TSGA10: variants seen among roughly 807,000 people sequenced by gnomAD.
TSGA10 encodes the protein testis-specific gene 10 protein.
In TSGA10, 43 loss-of-function variants were observed where a neutral mutation model predicts 96.6. The observed-to-expected ratio is 0.44, with a 90% CI of 0.35 to 0.57. The LOEUF is 0.57. Ranked by LOEUF, TSGA10 falls within the 20% of genes least tolerant of loss-of-function variation. The pLI is 0.01. For missense variants in TSGA10, 703 were observed against 834.4 expected (o/e 0.84, Z 1.94); for synonymous variants, 229 against 269.9 (o/e 0.85, Z 1.48).
At chr2:99,072,056 A>C (rs954629256) in intron 13 of TSGA10, among the ~76,000 whole-genome samples, 182 bp from the exon 14 acceptor site, 1 of 152,232 alleles carries the variant, frequency 6.6e-6, no homozygotes, top group Non-Finnish European at 1.5e-5. Context: ...TGTTGCCATC[A>C]TTTCGCTATG....
At position 99,118,672 on chromosome 2, in the gene TSGA10, A is replaced by T. The variant is rs751913879; in HGVS notation, c.-477T>A. 2.7e-4 allele frequency: 266 copies of T among 984,882 alleles called. No individual in the cohort carries two copies. Among genetic ancestry groups the T allele is most frequent in the Non-Finnish European group, 3.2e-4 (263 of 829,772 alleles). 61.0% of individuals were successfully genotyped at this position (984,882 alleles called of 1,614,324 possible). ...GAAGAAAAGGGCCTTTTCTATCACA[A>T]AGGTATCCAAATGCCTTTAAAGGAA... On this transcript the variant is annotated 5_prime_UTR_variant, in exon 3 of 21. It adds an upstream start codon to the 5' untranslated region. Coordinates refer to ENST00000393483, the MANE Select transcript of TSGA10 (RefSeq NM_025244.4).
intron 1 of TSGA10, chr2:99,141,068 C>G (rs1427805921): frequency 1.6e-6 from 2 of 1,280,924 alleles, no homozygotes; most frequent in Non-Finnish European, 2.0e-6. Flanking sequence ...CCCCGCGCAC[C>G]TCCGCAGCTT....
At chr2:99,072,060 C>T (rs1008804948) in intron 13 of TSGA10, among the ~76,000 whole-genome samples, 186 bp from the exon 14 acceptor site, 1 of 152,188 alleles carries the variant, frequency 6.6e-6, no homozygotes, top group Non-Finnish European at 1.5e-5. Context: ...GCCATCATTT[C>T]GCTATGAAAA....
At chr2:99,104,805 A>T (rs1261174958) in intron 9 of TSGA10, among the ~76,000 whole-genome samples, 1 of 152,210 alleles carries the variant, frequency 6.6e-6, no homozygotes, top group Non-Finnish European at 1.5e-5. Context: ...CATTACAATA[A>T]AACAGTACAG....
intron 1 of TSGA10, chr2:99,147,562 G>A: frequency 7.6e-7 from 1 of 1,308,132 alleles, no homozygotes; most frequent in Non-Finnish European, 1.1e-6. Context: ...TTAGATTGAA[G>A]TTTAATGTGC....
chr2:98,998,561 A>G (rs1442801028), intron 20 of TSGA10, among the ~76,000 whole-genome samples: 2 of 152,236 alleles, frequency 1.3e-5, no homozygotes, highest in African/African-American at 4.8e-5. Context: ...AGTGTTTCCC[A>G]GGAGACAGGG....
In TSGA10 at chr2:99,154,929, G is replaced by C. The variant is rs984316999; in HGVS notation, c.-857C>G. On this transcript the variant is annotated 5_prime_UTR_variant, in exon 1 of 21. Coordinates refer to ENST00000393483, the MANE Select transcript of TSGA10 (RefSeq NM_025244.4). ...GCGCCCCTCCTTCTCTTGCGCTTCA[G>C]GGGGCCGGCCCTCAGGGGGCGGGGC... 32 of 446,888 alleles carry C rather than the reference G, an allele frequency of 7.2e-5. No individual in the cohort carries two copies. Among genetic ancestry groups the C allele is most frequent in the Non-Finnish European group, 1.4e-4 (30 of 221,652 alleles). 27.7% of individuals were successfully genotyped at this position (446,888 alleles called of 1,614,324 possible).
In TSGA10 at chr2:99,020,843, A is replaced by T. The variant is rs1319912937; in HGVS notation, c.1615-361T>A. On this transcript the variant is annotated intron_variant, in intron 17 of 20. Coordinates refer to ENST00000393483, the MANE Select transcript of TSGA10 (RefSeq NM_025244.4). Reference sequence around the variant, plus strand: ...TGAGTTAGGTGAGCTACATGCTTATAGAATGTCATTGGACTCCATAATTAA... The same window carrying T: ...TGAGTTAGGTGAGCTACATGCTTATTGAATGTCATTGGACTCCATAATTAA... Among the ~76,000 whole-genome samples, 43 of 151,904 alleles carry T rather than the reference A, an allele frequency of 2.8e-4. 1 individual carries two copies. The highest frequency in any genetic ancestry group is 2.8e-3 in the Admixed American group (43 of 15,244).
chr2:99,140,546 T>C (rs1050249036), intron 1 of TSGA10, among the ~76,000 whole-genome samples: 2 of 152,016 alleles, frequency 1.3e-5, no homozygotes, highest in Non-Finnish European at 2.9e-5. Context: ...CATGATCACC[T>C]AGTTATCCAA....
chr2:99,010,000 A>T (rs2078874154), intron 20 of TSGA10, among the ~76,000 whole-genome samples: 1 of 152,184 alleles, frequency 6.6e-6, no homozygotes, highest in Non-Finnish European at 1.5e-5. Context: ...AACTTTTTGA[A>T]AGGTTGAAAT....
At chr2:98,998,288 T>C in intron 20 of TSGA10, 67 bp from the exon 21 acceptor site, 2 of 1,345,430 alleles carry the variant, frequency 1.5e-6, no homozygotes, top group Admixed American at 2.0e-5. Flanking sequence ...GTAACAAATT[T>C]ATTCTAGTAA....
At chr2:99,122,990 A>C (rs1309888054) in intron 2 of TSGA10, among the ~76,000 whole-genome samples, 1 of 152,078 alleles carries the variant, frequency 6.6e-6, no homozygotes, top group Non-Finnish European at 1.5e-5. Flanking sequence ...GAATGTCTTT[A>C]CTTTCCCTCA....
chr2:99,068,965 C>G lies in TSGA10; in HGVS notation c.1141G>C (p.Glu381Gln), dbSNP rs1415840216. 6.8e-7 allele frequency: 1 copy of G among 1,468,184 alleles called. No homozygotes were observed. The highest frequency in any genetic ancestry group is 1.6e-5 in the South Asian group (1 of 61,562). 90.9% of individuals were successfully genotyped at this position (1,468,184 alleles called of 1,614,324 possible). Residue 381 changes from glutamate (E) to glutamine (Q), a missense_variant, in exon 15 of 21, where the codon GAA (glutamate) becomes CAA (glutamine). By Grantham distance (29) the Glu-to-Gln change is conservative (BLOSUM62 2). This residue lies in a region of TSGA10 where 585 missense variants were observed against 656.8 expected (regional missense o/e 0.89). Transcript: ENST00000393483. ...LSKKLNDTHN[E>Q]LNDIKQKVQD... Reference sequence around the variant, plus strand: ...ACCTTCTGTTTTATGTCATTAAGTTCATTATGAGTGTCATTCAATTTTTTG... The same window carrying G: ...ACCTTCTGTTTTATGTCATTAAGTTGATTATGAGTGTCATTCAATTTTTTG...
chr2:99,131,046 T>C (rs2105025609), intron 1 of TSGA10, among the ~76,000 whole-genome samples: 1 of 152,300 alleles, frequency 6.6e-6, no homozygotes, highest in South Asian at 2.1e-4. Context: ...AGCCTTGTAG[T>C]ATAGTTTGAA....
chr2:99,120,116 A>G (rs1335593310), intron 2 of TSGA10, among the ~76,000 whole-genome samples: 1 of 152,176 alleles, frequency 6.6e-6, no homozygotes, highest in Non-Finnish European at 1.5e-5. Flanking sequence ...TAGATTCTAA[A>G]CAACTTAAAA....
chr2:99,087,031 C>T (rs1444477973), intron 10 of TSGA10, among the ~76,000 whole-genome samples: 1 of 151,862 alleles, frequency 6.6e-6, no homozygotes. Context: ...AGTGAAACCC[C>T]GTCTCTACTA....
intron 10 of TSGA10, chr2:99,102,320 T>C (rs149823643): frequency 0.013 from 20,607 of 1,610,682 alleles, 146 homozygotes; most frequent in Middle Eastern, 0.015. Context: ...GAGAAGGGAG[T>C]GGTGAGAGTG....
At chr2:99,109,290 C>T in intron 6 of TSGA10, 99 bp downstream of exon 6, 1 of 1,349,414 alleles carries the variant, frequency 7.4e-7, no homozygotes, top group Non-Finnish European at 1.1e-6. Context: ...CAATTCACAG[C>T]AAATCAAAAC....
Position 99,098,395 on chromosome 2 carries a change from C to T in TSGA10, c.611+5572G>A, listed in dbSNP as rs569994461. ...TGGAGCATGCAGTGAGCCGAGATCG[C>T]ACCACTGCACTCCAACCTGGGTGAC... On this transcript the variant is annotated intron_variant, in intron 10 of 20. Transcript: ENST00000393483. 1.1e-4 allele frequency among the ~76,000 whole-genome samples: 15 copies of T among 139,996 alleles called. No individual in the cohort carries two copies. The East Asian group carries it at 2.7e-3, about 26-fold the overall frequency. 91.8% of individuals were successfully genotyped at this position (139,996 alleles called of 152,430 possible). A position where few individuals can be genotyped will look rare whatever the true frequency, so the allele number is the denominator to read the frequency against.
Sources: allele counts gnomAD v4.1 joint callset (sites outside exome capture counted in the v4.1 genomes callset), GRCh38; gene constraint gnomAD v4.1.1; regional missense constraint gnomAD v4.1.1; transcripts MANE v1.5; gene names NCBI Gene and HGNC (gene_info 2026-07-23, HGNC 2026-07-21).